The following PRAMEF20 variants were observed in gnomAD, a reference collection of about 807,000 sequenced individuals.
PRAMEF20 encodes PRAME family member 20, also known as PRAME family member 20/21.
A neutral mutation model predicts 32.4 loss-of-function variants in PRAMEF20; 27 were observed. The observed-to-expected ratio is 0.83, with a 90% CI of 0.61 to 1.15. The LOEUF (loss-of-function observed/expected upper bound fraction) is 1.15, where lower values mean the gene tolerates loss of function less well. Among genes scored for constraint, PRAMEF20 ranks in the 50% most tolerant of loss-of-function variants. PRAMEF20 has a pLI of 0.00. For missense variants in PRAMEF20, 604 were observed against 584.5 expected (o/e 1.03, Z -0.34); for synonymous variants, 256 against 235.4 (o/e 1.09, Z -0.80).
chr1:13,413,637 T>C (rs1181985278), upstream of PRAMEF20, among the ~76,000 whole-genome samples: 1 of 152,102 alleles, frequency 6.6e-6, no homozygotes, highest in African/African-American at 2.4e-5. Context: ...AGTGCTGAGA[T>C]TACAGGTGTG....
chr1:13,413,095 C>T (rs1366893218), upstream of PRAMEF20, among the ~76,000 whole-genome samples: 2 of 152,182 alleles, frequency 1.3e-5, no homozygotes, highest in African/African-American at 4.8e-5. Context: ...AAGATACTTT[C>T]AAGTTTTTTC....
upstream of PRAMEF20, among the ~76,000 whole-genome samples, chr1:13,412,117 C>T (rs1251006556): frequency 2.0e-5 from 3 of 151,148 alleles, no homozygotes; most frequent in South Asian, 2.1e-4. Flanking sequence ...TCAGGCTATC[C>T]GGGCTCACTA....
At chr1:13,418,361 G>C in exon 2 of PRAMEF20, 1 of 1,613,848 alleles carries the variant, frequency 6.2e-7, no homozygotes, top group Non-Finnish European at 8.5e-7. Context: ...CAGAGGGAAG[G>C]TTTAGTACAC....
At chr1:13,416,123 G>T (rs1402281922), upstream of PRAMEF20, among the ~76,000 whole-genome samples, 3 of 152,250 alleles carry the variant, frequency 2.0e-5, no homozygotes, top group Non-Finnish European at 4.4e-5. Flanking sequence ...AGGGCTAGTG[G>T]TGGCCCTGCC....
At chr1:13,418,101 C>T (rs1351337352) in intron 1 of PRAMEF20, 21 bp from the exon 3 acceptor site, 1 of 1,611,772 alleles carries the variant, frequency 6.2e-7, no homozygotes, top group Non-Finnish European at 8.5e-7. Flanking sequence ...AATTCTCAGC[C>T]TCTCTTCTAT....
chr1:13,413,040 A>T (rs1641128569), upstream of PRAMEF20, among the ~76,000 whole-genome samples: 1 of 152,148 alleles, frequency 6.6e-6, no homozygotes, highest in Non-Finnish European at 1.5e-5. Context: ...AACTGTTTTA[A>T]CTCTGAAATA....
chr1:13,413,799 G>C (rs1641135597), upstream of PRAMEF20, among the ~76,000 whole-genome samples: 1 of 152,056 alleles, frequency 6.6e-6, no homozygotes, highest in African/African-American at 2.4e-5. Flanking sequence ...TGAACACTGA[G>C]TCCAGATCTG....
intron 2 of PRAMEF20, among the ~76,000 whole-genome samples, chr1:13,419,552 G>A (rs2100437950): frequency 6.6e-6 from 1 of 152,132 alleles, no homozygotes; most frequent in Non-Finnish European, 1.5e-5. Context: ...CTCCTGAGTA[G>A]CTGGGACAAC....
Position 13,416,603 on chromosome 1 carries a change from T to C in PRAMEF20, c.249T>C (p.Asp83=), listed in dbSNP as rs758486984. The C allele has an allele frequency of 1.7e-5, 27 of 1,614,018 alleles. No homozygotes were observed. The East Asian group carries it at 4.2e-4, about 25-fold the overall frequency. Reference sequence around the variant, plus strand: ...CAGAGACCTTCCAAGCTGTGCTCGATGGGCTTGATGCACTGCTTACCCACA... The same window carrying C: ...CAGAGACCTTCCAAGCTGTGCTCGACGGGCTTGATGCACTGCTTACCCACA... Residue 83 remains aspartate, a synonymous_variant, in exon 1 of 3, where the codon GAT becomes GAC. Coordinates refer to ENST00000602960, the Ensembl canonical transcript of PRAMEF20.
intron 1 of PRAMEF20, 72 bp downstream of exon 2, chr1:13,416,713 G>C: frequency 6.2e-7 from 1 of 1,611,826 alleles, no homozygotes; most frequent in Non-Finnish European, 8.5e-7. Context: ...GTCATGAGGA[G>C]TGAGGAGGTC....
upstream of PRAMEF20, among the ~76,000 whole-genome samples, chr1:13,413,355 T>TTG (rs1641132185): frequency 6.6e-6 from 1 of 151,770 alleles, no homozygotes; most frequent in South Asian, 2.1e-4. Context: ...AGTTTTCTTT[T>TTG]TTGTTGTTGT....
exon 1 of PRAMEF20, chr1:13,416,507 C>T: frequency 6.2e-7 from 1 of 1,614,114 alleles, no homozygotes; most frequent in South Asian, 1.1e-5. Flanking sequence ...ACTGTGAGGC[C>T]CTGAAGCTGA....
chr1:13,416,357 G>A, exon 1 of PRAMEF20: 1 of 1,612,660 alleles, frequency 6.2e-7, no homozygotes, highest in Non-Finnish European at 8.5e-7. Flanking sequence ...TCAGGAAGAT[G>A]AGCATCCGGA....
At chr1:13,419,888 T>C (rs1027205508) in intron 2 of PRAMEF20, among the ~76,000 whole-genome samples, 1 of 152,146 alleles carries the variant, frequency 6.6e-6, no homozygotes, top group South Asian at 2.1e-4. Flanking sequence ...TAATGGGTTG[T>C]TTTGAGCTCC....
At chr1:13,416,610 G>C (rs1299178648) in exon 1 of PRAMEF20, 3 of 1,614,080 alleles carry the variant, frequency 1.9e-6, no homozygotes, top group African/African-American at 1.3e-5. Context: ...CGATGGGCTT[G>C]ATGCACTGCT....
At chr1:13,418,185 T>C in exon 2 of PRAMEF20, 1 of 1,613,766 alleles carries the variant, frequency 6.2e-7, no homozygotes, top group Non-Finnish European at 8.5e-7. Flanking sequence ...TGGTTTGGTC[T>C]GAAGCCATGG....
At chr1:13,420,713 T>C in exon 3 of PRAMEF20, 1 of 1,613,876 alleles carries the variant, frequency 6.2e-7, no homozygotes. Flanking sequence ...AAAGACCTCG[T>C]TAAACATCCT....
Position 13,420,689 on chromosome 1 carries a change from C to T in PRAMEF20, c.867-8C>T. 1 of 1,613,912 alleles carries T rather than the reference C, an allele frequency of 6.2e-7. No homozygotes were observed. The highest frequency in any genetic ancestry group is 8.5e-7 in the Non-Finnish European group (1 of 1,179,836). On this transcript the variant is annotated splice_region_variant and splice_polypyrimidine_tract_variant and intron_variant, in intron 2 of 2. Transcript: ENST00000602960. ...CCCCAGAACTAACTTCCTGCTCTCT[C>T]TCCCCAGCTGTCTAAAGACCTCGTT...
upstream of PRAMEF20, among the ~76,000 whole-genome samples, chr1:13,415,438 C>A (rs1022549789): frequency 6.6e-6 from 1 of 152,034 alleles, no homozygotes; most frequent in African/African-American, 2.4e-5. Flanking sequence ...CTCTGTCTTG[C>A]GAATGATCCA....
Sources: gnomAD v4.1 joint callset for allele counts (sites outside exome capture counted in the v4.1 genomes callset) on GRCh38, gnomAD v4.1.1 for gene constraint, MANE v1.5 for transcripts, NCBI Gene and HGNC (gene_info 2026-07-23, HGNC 2026-07-21) for gene names.